SCN10A: variants seen among roughly 807,000 people sequenced by gnomAD.
SCN10A encodes the protein sodium channel protein type 10 subunit alpha.
In SCN10A, 162 loss-of-function variants were observed where a neutral mutation model predicts 170.7. The observed-to-expected ratio is 0.95, with a 90% CI of 0.84 to 1.08. The LOEUF is 1.08. Ranked by LOEUF, SCN10A falls within the 50% of genes least tolerant of loss-of-function variation. The pLI, the probability that SCN10A is intolerant of heterozygous loss-of-function variation, is 0.00. For synonymous variants in SCN10A, 985 were observed against 904.6 expected, an observed-to-expected ratio of 1.09 and a Z score of -1.59; for missense variants, 2,527 against 2,436.9, an observed-to-expected ratio of 1.04 and a Z score of -0.78.
chr3:38,697,673 C>A lies in SCN10A; in HGVS notation c.5547G>T (p.Lys1849Asn). Residue 1849 changes from lysine to asparagine, a missense_variant, in exon 28 of 28, where the codon AAG (lysine) becomes AAT (asparagine). Physicochemically the swap from Lys to Asn is moderately conservative, Grantham distance 94 (BLOSUM62 0). Coordinates refer to ENST00000449082, the MANE Select transcript of SCN10A (RefSeq NM_006514.4). ...YEPIATTLRW[K>N]QEDISATVIQ... ...TGACAGTGGCTGAAATGTCTTCTTG[C>A]TTCCATCGGAGAGTGGTTGCTATTG... The A allele has an allele frequency of 6.2e-7, 1 of 1,614,140 alleles. No homozygotes were observed. Among genetic ancestry groups the A allele is most frequent in the Non-Finnish European group, 8.5e-7 (1 of 1,180,026 alleles).
At chr3:38,784,337 C>A (rs2064172817) in intron 4 of SCN10A, among the ~76,000 whole-genome samples, 1 of 152,102 alleles carries the variant, frequency 6.6e-6, no homozygotes, top group East Asian at 1.9e-4. Flanking sequence ...ATACGCAAGT[C>A]AATAAACGTA....
intron 24 of SCN10A, 130 bp downstream of exon 24, chr3:38,710,714 G>A (rs2063264226): frequency 3.7e-6 from 3 of 814,760 alleles, no homozygotes; most frequent in African/African-American, 3.4e-5. Context: ...CTGCAAGGAG[G>A]GACAGTGTGA....
intron 13 of SCN10A, among the ~76,000 whole-genome samples, chr3:38,748,655 A>G (rs1034403746): frequency 6.6e-6 from 1 of 151,694 alleles, no homozygotes; most frequent in Non-Finnish European, 1.5e-5. Flanking sequence ...TATGGGTCTC[A>G]CTCATCTTTT....
At chr3:38,726,198 AG>A (rs541945980) in intron 17 of SCN10A, among the ~76,000 whole-genome samples, 21 of 152,354 alleles carry the variant, frequency 1.4e-4, no homozygotes, top group Non-Finnish European at 2.6e-4. Context: ...TGTGGGGAAA[AG>A]CTGGCTAAAT....
At chr3:38,736,840 A>G (rs2063565969) in intron 15 of SCN10A, among the ~76,000 whole-genome samples, 1 of 151,908 alleles carries the variant, frequency 6.6e-6, no homozygotes, top group African/African-American at 2.4e-5. Flanking sequence ...GTAGGGGCAG[A>G]CTGTGAAGTA....
At chr3:38,755,723 C>T in intron 11 of SCN10A, 65 bp downstream of exon 11, 2 of 1,585,932 alleles carry the variant, frequency 1.3e-6, no homozygotes, top group Non-Finnish European at 8.6e-7. Context: ...CTTCCCACTC[C>T]AACTCATTGT....
At chr3:38,814,463 G>A (rs1043968239) in intron 1 of SCN10A, among the ~76,000 whole-genome samples, 1 of 152,110 alleles carries the variant, frequency 6.6e-6, no homozygotes, top group African/African-American at 2.4e-5. Context: ...CTGACAGAAG[G>A]GAATACATGA....
At chr3:38,771,059 C>T (rs2063993590) in intron 5 of SCN10A, among the ~76,000 whole-genome samples, 1 of 152,176 alleles carries the variant, frequency 6.6e-6, no homozygotes, top group Admixed American at 6.5e-5. Flanking sequence ...AGTTTTTCAC[C>T]TGTCTTGCAG....
chr3:38,698,467 T>G lies in SCN10A; in HGVS notation c.4753A>C (p.Arg1585=), dbSNP rs971662156. The change falls in exon 28 of 28, where the codon AGA becomes CGA. Residue 1585 remains arginine (R), a synonymous_variant. Coordinates refer to ENST00000449082, the MANE Select transcript of SCN10A (RefSeq NM_006514.4). ...IRLARIGRIL[R]LIRAAKGIRT... is the part of the protein sequence containing the mutation. ...ATCCCCTTGGCCGCTCGGATCAGTCTGAGGATGCGGCCAATTCGGGCCAGG... is the reference window on the plus strand; with the variant it reads ...ATCCCCTTGGCCGCTCGGATCAGTCGGAGGATGCGGCCAATTCGGGCCAGG... 2.5e-6 allele frequency: 4 copies of G among 1,614,084 alleles called. No individual in the cohort carries two copies. In the African/African-American group the frequency reaches 5.3e-5, roughly 22 times the overall value.
chr3:38,743,333 A>G (rs569832699), intron 13 of SCN10A, among the ~76,000 whole-genome samples: 2 of 152,174 alleles, frequency 1.3e-5, no homozygotes, highest in South Asian at 4.1e-4. Context: ...TCTCCCACCT[A>G]TTCAAGGCCT....
At position 38,714,728 on chromosome 3, in the gene SCN10A, A is replaced by G. The variant is rs6796336; in HGVS notation, c.3682-648T>C. On this transcript the variant is annotated intron_variant, in intron 21 of 27. Transcript: ENST00000449082. Reference sequence around the variant, plus strand: ...TATGGGTCCATGAGATCTAGCTTCAATAGATATCTGAGATATAATGACTGA... The same window carrying G: ...TATGGGTCCATGAGATCTAGCTTCAGTAGATATCTGAGATATAATGACTGA... 3.8e-3 allele frequency among the ~76,000 whole-genome samples: 580 copies of G among 152,328 alleles called. 1 individual carries two copies. The highest frequency in any genetic ancestry group is 0.013 in the African/African-American group (547 of 41,572).
intron 3 of SCN10A, among the ~76,000 whole-genome samples, chr3:38,791,768 A>C (rs2064283752): frequency 6.6e-6 from 1 of 152,192 alleles, no homozygotes; most frequent in African/African-American, 2.4e-5. Context: ...CCCCTCATAA[A>C]GAGGATGTTT....
chr3:38,799,261 C>T (rs188934170), intron 1 of SCN10A, among the ~76,000 whole-genome samples: 175 of 152,142 alleles, frequency 1.2e-3, no homozygotes, highest in African/African-American at 4.1e-3. Flanking sequence ...AGGGCCAGAC[C>T]CAGGCCTACA....
At position 38,814,510 on chromosome 3, in the gene SCN10A, C is replaced by T. The variant is rs183846727; in HGVS notation, c.-33+1527G>A. Among the ~76,000 whole-genome samples, 3 of 152,262 alleles carry T rather than the reference C, an allele frequency of 2.0e-5. 1 individual carries two copies. Among genetic ancestry groups the T allele is most frequent in the Admixed American group, 2.0e-4 (3 of 15,300 alleles). The stretch of plus-strand genomic sequence containing the variant: ...CAGAGTCAGTAATTAGTGGGTTTCT[C>T]CTCCTGGTTTAACATTTTCTTGGCA... On this transcript the variant is annotated intron_variant, in intron 1 of 27. Coordinates refer to ENST00000449082, the MANE Select transcript of SCN10A (RefSeq NM_006514.4).
chr3:38,707,425 C>A, intron 25 of SCN10A, 42 bp from the exon 26 acceptor site: 1 of 1,594,360 alleles, frequency 6.3e-7, no homozygotes, highest in South Asian at 1.1e-5. Context: ...AGAGGAACCC[C>A]CTACGGATAC....
chr3:38,701,520 T>A (rs1389063883), intron 27 of SCN10A, among the ~76,000 whole-genome samples: 2 of 152,154 alleles, frequency 1.3e-5, no homozygotes, highest in African/African-American at 4.8e-5. Context: ...GACTCCATCA[T>A]CTTACGGTCT....
intron 1 of SCN10A, among the ~76,000 whole-genome samples, chr3:38,802,499 C>G (rs1046784085): frequency 6.6e-6 from 1 of 152,088 alleles, no homozygotes; most frequent in Non-Finnish European, 1.5e-5. Flanking sequence ...CTTCATTATT[C>G]TAGTAACTTA....
rs566098822 is a variant in SCN10A at position 38,756,045 on chromosome 3, G to T, written c.1291-87C>A. 9 of 1,431,108 alleles carry T rather than the reference G, an allele frequency of 6.3e-6. 1 individual carries two copies. In the South Asian group the frequency reaches 8.3e-5, roughly 13 times the overall value. 88.7% of individuals were successfully genotyped at this position (1,431,108 alleles called of 1,614,324 possible). On this transcript the variant is annotated intron_variant, in intron 10 of 27. Coordinates refer to ENST00000449082, the MANE Select transcript of SCN10A (RefSeq NM_006514.4). ...CCCCCAGACATGGGGTGCCAGGGGT[G>T]AGAGATCTGAAACAGAGAAGCTGAA...
intron 14 of SCN10A, among the ~76,000 whole-genome samples, chr3:38,741,592 AGTT>A (rs747840172): frequency 1.3e-5 from 2 of 152,210 alleles, no homozygotes; most frequent in African/African-American, 2.4e-5. Context: ...AGGTTGGAGC[AGTT>A]GTTGTCCCTC....
Sources: gnomAD v4.1 joint callset for allele counts (sites outside exome capture counted in the v4.1 genomes callset) on GRCh38, gnomAD v4.1.1 for gene constraint, MANE v1.5 for transcripts, NCBI Gene and HGNC (gene_info 2026-07-23, HGNC 2026-07-21) for gene names.